Variants in CDH12 observed in about 807,000 individuals in gnomAD.
CDH12 encodes the protein cadherin-12.
A neutral mutation model predicts 74.1 loss-of-function variants in CDH12; 41 were observed. The ratio of observed to expected loss-of-function variants is 0.55; its 90% CI spans 0.43 to 0.72. The LOEUF (loss-of-function observed/expected upper bound fraction) is 0.72, where lower values mean the gene tolerates loss of function less well. Ranked by LOEUF, CDH12 falls within the 30% of genes least tolerant of loss-of-function variation. CDH12 has a pLI of 0.00. For missense variants in CDH12, 945 were observed against 977.2 expected (o/e 0.97, Z 0.44); for synonymous variants, 399 against 355.0 (o/e 1.12, Z -1.39).
chr5:22,269,389 AC>A (rs1736281896), intron 3 of CDH12, among the ~76,000 whole-genome samples: 1 of 152,002 alleles, frequency 6.6e-6, no homozygotes. Flanking sequence ...ATGAACAATT[AC>A]CCCCATATTA....
intron 1 of CDH12, among the ~76,000 whole-genome samples, chr5:22,546,102 G>T (rs902113338): frequency 1.3e-5 from 2 of 151,934 alleles, no homozygotes; most frequent in African/African-American, 4.8e-5. Context: ...CCACCACCAC[G>T]CCTGGCTTAT....
At chr5:21,850,670 G>T (rs190355144) in intron 7 of CDH12, among the ~76,000 whole-genome samples, 1 of 151,428 alleles carries the variant, frequency 6.6e-6, no homozygotes, top group African/African-American at 2.4e-5. Context: ...ATGAAAGGTC[G>T]ATAGACTCAA....
intron 4 of CDH12, among the ~76,000 whole-genome samples, chr5:22,094,631 G>C (rs1159298348): frequency 6.6e-6 from 1 of 151,994 alleles, no homozygotes; most frequent in Non-Finnish European, 1.5e-5. Context: ...TGTATTAATG[G>C]GCATCAAGAG....
At chr5:22,409,909 G>A (rs868762130) in intron 2 of CDH12, among the ~76,000 whole-genome samples, 46 of 152,162 alleles carry the variant, frequency 3.0e-4, no homozygotes, top group Middle Eastern at 6.8e-3. Context: ...TTTACAGCTC[G>A]AAGATAAATG....
At chr5:22,267,370 G>A (rs867038043) in intron 3 of CDH12, among the ~76,000 whole-genome samples, 3 of 152,012 alleles carry the variant, frequency 2.0e-5, no homozygotes, top group Admixed American at 6.6e-5. Flanking sequence ...CAACATGATA[G>A]GATAAACATT....
At chr5:21,818,503 G>C (rs996275427) in intron 8 of CDH12, among the ~76,000 whole-genome samples, 1 of 151,840 alleles carries the variant, frequency 6.6e-6, no homozygotes, top group Non-Finnish European at 1.5e-5. Flanking sequence ...ATTAGCATGG[G>C]AAGCAGTTAA....
intron 9 of CDH12, among the ~76,000 whole-genome samples, chr5:21,808,102 A>C (rs972838660): frequency 1.3e-5 from 2 of 152,152 alleles, no homozygotes; most frequent in African/African-American, 2.4e-5. Context: ...TAGGAGCCAC[A>C]AGGAAGTAGT....
At chr5:22,357,566 T>C (rs1256872754) in intron 3 of CDH12, among the ~76,000 whole-genome samples, 1 of 152,162 alleles carries the variant, frequency 6.6e-6, no homozygotes, top group Non-Finnish European at 1.5e-5. Context: ...TATTAGTCTG[T>C]TTTTGTATTT....
chr5:22,310,651 T>C (rs1191127624), intron 3 of CDH12, among the ~76,000 whole-genome samples: 5 of 152,156 alleles, frequency 3.3e-5, no homozygotes, highest in African/African-American at 7.2e-5. Flanking sequence ...AAAAAGCCAA[T>C]TGGTCTTGTT....
At chr5:22,353,572 A>G (rs535274084) in intron 3 of CDH12, among the ~76,000 whole-genome samples, 2 of 152,284 alleles carry the variant, frequency 1.3e-5, no homozygotes, top group East Asian at 3.9e-4. Context: ...TTTTAAATAT[A>G]TAGATCACAC....
Position 22,425,154 on chromosome 5 carries a change from TATATATATATATATATAA to T in CDH12, c.-427-19821_-427-19804del, listed in dbSNP as rs1344465647. 8.9e-4 allele frequency among the ~76,000 whole-genome samples: 58 copies of T among 65,178 alleles called. 1 individual carries two copies. Among genetic ancestry groups the T allele is most frequent in the African/African-American group, 5.6e-3 (48 of 8,636 alleles). The allele number at this position is 65,178 out of a possible 152,430, so 42.8% of individuals were successfully genotyped here. A position where few individuals can be genotyped will look rare whatever the true frequency, so the allele number is the denominator to read the frequency against. On this transcript the variant is annotated intron_variant, in intron 2 of 14. Transcript: ENST00000382254. ...GTAAAATTATATATATGTGTGTGTG[TATATATATATATATATAA>T]ATATATATATATATATACTTCTTTC...
chr5:21,801,067 C>T (rs1451435282), intron 10 of CDH12, among the ~76,000 whole-genome samples: 1 of 152,146 alleles, frequency 6.6e-6, no homozygotes, highest in Non-Finnish European at 1.5e-5. Flanking sequence ...GCAGCTAGAA[C>T]TGACTGAGGT....
chr5:22,045,369 C>G (rs567464372), intron 5 of CDH12, among the ~76,000 whole-genome samples: 1 of 152,014 alleles, frequency 6.6e-6, no homozygotes, highest in Non-Finnish European at 1.5e-5. Flanking sequence ...TTAGGGAAAA[C>G]AGTAAGGAGG....
chr5:22,043,819 A>G (rs1021853896), intron 5 of CDH12, among the ~76,000 whole-genome samples: 2 of 152,278 alleles, frequency 1.3e-5, no homozygotes, highest in Non-Finnish European at 1.5e-5. Context: ...TACCTAAAAA[A>G]TATTTTTAAT....
intron 1 of CDH12, among the ~76,000 whole-genome samples, chr5:22,698,682 T>G (rs1385256232): frequency 1.6e-4 from 1 of 6,284 alleles, no homozygotes; most frequent in East Asian, 7.2e-3. Context: ...CCCAGATATA[T>G]ATATATATAT....
chr5:22,761,263 C>G (rs181039326), intron 1 of CDH12, among the ~76,000 whole-genome samples: 25 of 152,218 alleles, frequency 1.6e-4, no homozygotes, highest in African/African-American at 5.5e-4. Flanking sequence ...TGATTTATAT[C>G]CTGGGTTTTA....
At chr5:22,252,444 G>A (rs187582266) in intron 3 of CDH12, among the ~76,000 whole-genome samples, 56 of 151,050 alleles carry the variant, frequency 3.7e-4, no homozygotes, top group African/African-American at 1.3e-3. Context: ...CTTGCTTTGT[G>A]GAATAAAAAT....
Position 22,698,431 on chromosome 5 carries a change from T to C in CDH12, c.-523+154627A>G, listed in dbSNP as rs866458410. Among the ~76,000 whole-genome samples, 4 of 151,534 alleles carry C rather than the reference T, an allele frequency of 2.6e-5. No homozygotes were observed. The South Asian group carries it at 8.4e-4, about 32-fold the overall frequency. ...CCACCGTGTCTGGCCAAAGGCCAGCTTTTTACTAGGAAAACAAAGCTCTAC... is the reference window on the plus strand; with the variant it reads ...CCACCGTGTCTGGCCAAAGGCCAGCCTTTTACTAGGAAAACAAAGCTCTAC... On this transcript the variant is annotated intron_variant, in intron 1 of 14. Coordinates refer to ENST00000382254, the MANE Select transcript of CDH12 (RefSeq NM_004061.5).
chr5:22,259,837 G>T (rs180714319), intron 3 of CDH12, among the ~76,000 whole-genome samples: 8 of 151,980 alleles, frequency 5.3e-5, no homozygotes, highest in Non-Finnish European at 8.8e-5. Flanking sequence ...CTTTGAAGCT[G>T]ACCGAATTGA....
Sources: allele counts gnomAD v4.1 joint callset (sites outside exome capture counted in the v4.1 genomes callset), GRCh38; gene constraint gnomAD v4.1.1; transcripts MANE v1.5; gene names NCBI Gene and HGNC (gene_info 2026-07-23, HGNC 2026-07-21).